ANTXRL: variants seen among roughly 807,000 people sequenced by gnomAD.
ANTXRL encodes anthrax toxin receptor-like.
Under a neutral mutation model 75.4 loss-of-function variants are expected in ANTXRL, and 63 were observed. That is an observed-to-expected ratio of 0.84 (90% CI 0.68 to 1.03). The LOEUF is 1.03. ANTXRL is among the 50% of genes least tolerant of loss of function. ANTXRL has a pLI of 0.00. For synonymous variants in ANTXRL, 335 were observed against 291.3 expected (o/e 1.15, Z -1.53); for missense variants, 797 against 789.4 (o/e 1.01, Z -0.12).
chr10:46,329,702 A>G lies in ANTXRL; in HGVS notation c.1514A>G (p.Gln505Arg). 2.0e-6 allele frequency: 3 copies of G among 1,535,704 alleles called. No homozygotes were observed. Among genetic ancestry groups the G allele is most frequent in the Non-Finnish European group, 2.6e-6 (3 of 1,146,760 alleles). ...AGCCAGGAGTGCCTTTCCCTACCAC[A>G]GGCTCCCTGCAGCCCAAGGATGTGC... Reference protein sequence around the residue: ...PHSQECLSLPQAPCSPRMCLR... With the variant: ...PHSQECLSLPRAPCSPRMCLR... The change falls in exon 17 of 17, where the codon CAG becomes CGG. Residue 505 changes from glutamine to arginine, a missense_variant. Transcript: ENST00000620264.
intron 1 of ANTXRL, among the ~76,000 whole-genome samples, chr10:46,288,982 C>G (rs1836869199): frequency 6.6e-6 from 1 of 152,164 alleles, no homozygotes; most frequent in Non-Finnish European, 1.5e-5. Context: ...GGGAATGACC[C>G]ACCACAGCCT....
intron 9 of ANTXRL, among the ~76,000 whole-genome samples, chr10:46,299,422 G>A (rs1837582352): frequency 6.6e-6 from 1 of 152,132 alleles, no homozygotes; most frequent in Non-Finnish European, 1.5e-5. Flanking sequence ...TCCTGTGTGG[G>A]CCTCTGTGAT....
chr10:46,300,868 T>C (rs1187288936), intron 9 of ANTXRL, among the ~76,000 whole-genome samples: 3 of 152,176 alleles, frequency 2.0e-5, no homozygotes, highest in Non-Finnish European at 2.9e-5. Flanking sequence ...CACCCTTTTA[T>C]TGTTGAAATT....
intron 9 of ANTXRL, among the ~76,000 whole-genome samples, chr10:46,301,434 A>G (rs1173358555): frequency 6.6e-6 from 1 of 152,188 alleles, no homozygotes; most frequent in Non-Finnish European, 1.5e-5. Context: ...CATAGTATCC[A>G]TCAAGTGGGT....
intron 16 of ANTXRL, among the ~76,000 whole-genome samples, chr10:46,321,386 T>C (rs1224446125): frequency 6.6e-6 from 1 of 152,180 alleles, no homozygotes; most frequent in African/African-American, 2.4e-5. Context: ...GTTGTCTGCT[T>C]CTGGGGAGAA....
intron 10 of ANTXRL, among the ~76,000 whole-genome samples, 198 bp downstream of exon 10, chr10:46,303,018 A>T (rs1467614659): frequency 6.6e-6 from 1 of 152,100 alleles, no homozygotes; most frequent in Non-Finnish European, 1.5e-5. Context: ...GGAAGTAACA[A>T]ATCCATCTGT....
chr10:46,310,625 AG>A (rs1478929912), intron 14 of ANTXRL, 126 bp downstream of exon 14: 18 of 1,022,310 alleles, frequency 1.8e-5, no homozygotes, highest in Non-Finnish European at 2.2e-5. Context: ...ACAGAGGGGC[AG>A]AATGGAGCCT....
intron 11 of ANTXRL, 131 bp from the exon 12 acceptor site, chr10:46,307,271 A>G: frequency 1.4e-6 from 1 of 713,952 alleles, no homozygotes; most frequent in South Asian, 1.6e-5. Context: ...TGACCCACTT[A>G]CCCTTTGGTC....
chr10:46,307,557 C>T (rs1588838077), intron 12 of ANTXRL, 77 bp downstream of exon 12: 4 of 1,343,386 alleles, frequency 3.0e-6, no homozygotes, highest in East Asian at 5.0e-5. Context: ...ACAGAAAAGG[C>T]AGACCGTTCC....
intron 1 of ANTXRL, among the ~76,000 whole-genome samples, chr10:46,290,201 C>T (rs76472540): frequency 0.036 from 5,456 of 152,002 alleles, 202 homozygotes; most frequent in East Asian, 0.12. Context: ...TGCCACCACG[C>T]CAGGCTAATT....
intron 16 of ANTXRL, among the ~76,000 whole-genome samples, chr10:46,327,277 A>T (rs1554966689): frequency 6.6e-6 from 1 of 152,014 alleles, no homozygotes; most frequent in African/African-American, 2.4e-5. Flanking sequence ...GGGTGGAGGG[A>T]CTGGATCCTG....
upstream of ANTXRL, among the ~76,000 whole-genome samples, chr10:46,286,830 A>G (rs1836785208): frequency 1.3e-5 from 2 of 152,130 alleles, no homozygotes. Context: ...AACAAACAGC[A>G]GGGTCTAGTG....
intron 11 of ANTXRL, 45 bp downstream of exon 11, chr10:46,306,917 T>A: frequency 6.8e-7 from 1 of 1,468,938 alleles, no homozygotes; most frequent in East Asian, 2.5e-5. Context: ...GACCAGGGAG[T>A]CAGGGTTGGG....
intron 5 of ANTXRL, 75 bp downstream of exon 5, chr10:46,296,327 G>T: frequency 6.7e-7 from 1 of 1,485,514 alleles, no homozygotes; most frequent in Non-Finnish European, 9.1e-7. Context: ...AGCTCTGTGT[G>T]CAGAATCTGC....
chr10:46,298,985 A>T (rs1405863465), intron 9 of ANTXRL, among the ~76,000 whole-genome samples: 3 of 151,900 alleles, frequency 2.0e-5, no homozygotes, highest in Non-Finnish European at 2.9e-5. Context: ...AGTGTGTTGT[A>T]ACCTCACAAC....
rs1837355329 is a variant in ANTXRL at position 46,296,009 on chromosome 10, T to A, written c.393-10T>A. The A allele has an allele frequency of 6.5e-7, 1 of 1,534,770 alleles. No homozygotes were observed. The highest frequency in any genetic ancestry group is 1.2e-5 in the South Asian group (1 of 84,006). ...TTTCCAGGTCAACCACCTTTTTAAATTTTTTTCAGGAATAGAATAAAAAAC... is the reference window on the plus strand; with the variant it reads ...TTTCCAGGTCAACCACCTTTTTAAAATTTTTTCAGGAATAGAATAAAAAAC... On this transcript the variant is annotated splice_polypyrimidine_tract_variant and intron_variant, in intron 3 of 16. Coordinates refer to ENST00000620264, the MANE Select transcript of ANTXRL (RefSeq NM_001278688.3).
intron 2 of ANTXRL, among the ~76,000 whole-genome samples, chr10:46,293,275 TGTGA>T (rs1202727392): frequency 5.3e-5 from 5 of 94,500 alleles, no homozygotes; most frequent in African/African-American, 1.9e-4. Context: ...CCTGTGCGTG[TGTGA>T]GAGTGTGTGC....
chr10:46,315,569 C>T (rs1351340692), intron 16 of ANTXRL, among the ~76,000 whole-genome samples: 1 of 152,182 alleles, frequency 6.6e-6, no homozygotes, highest in Admixed American at 6.5e-5. Flanking sequence ...CCTGACAGAA[C>T]CAGTGCATGC....
At chr10:46,313,428 G>A in intron 16 of ANTXRL, 112 bp downstream of exon 16, 1 of 1,131,162 alleles carries the variant, frequency 8.8e-7, no homozygotes, top group Non-Finnish European at 1.3e-6. Flanking sequence ...CTGCAAAAGA[G>A]GACGGCACAA....
Sources: allele counts gnomAD v4.1 joint callset (sites outside exome capture counted in the v4.1 genomes callset), GRCh38; gene constraint gnomAD v4.1.1; transcripts MANE v1.5; gene names NCBI Gene and HGNC (gene_info 2026-07-23, HGNC 2026-07-21).